RBPJ: variants seen among roughly 807,000 people sequenced by gnomAD.
The protein encoded by RBPJ is recombination signal binding protein for immunoglobulin kappa J region, also known as recombining binding protein suppressor of hairless.
A neutral mutation model predicts 67.8 loss-of-function variants in RBPJ; 9 were observed. The ratio of observed to expected loss-of-function variants is 0.13; its 90% CI spans 0.08 to 0.23. The LOEUF (loss-of-function observed/expected upper bound fraction) is 0.23, where lower values mean the gene tolerates loss of function less well. Among genes scored for constraint, RBPJ ranks in the 10% least tolerant of loss-of-function variants. RBPJ has a pLI of 1.00. For missense variants in RBPJ, 305 were observed against 595.6 expected, an observed-to-expected ratio of 0.51 and a Z score of 5.08; for synonymous variants, 198 against 203.3, an observed-to-expected ratio of 0.97 and a Z score of 0.22.
At chr4:26,234,105 A>G (rs1719376794) in intron 1 of RBPJ, among the ~76,000 whole-genome samples, 1 of 152,200 alleles carries the variant, frequency 6.6e-6, no homozygotes, top group Non-Finnish European at 1.5e-5. Context: ...ATATTTTTAG[A>G]TGTAATGTTT....
At chr4:26,317,722 C>T (rs1049831155), upstream of RBPJ, among the ~76,000 whole-genome samples, 10 of 152,132 alleles carry the variant, frequency 6.6e-5, no homozygotes, top group Admixed American at 5.2e-4. Flanking sequence ...TAGGATTTTC[C>T]GTCCAATTGT....
chr4:26,139,141 G>A, the RBPJ span, among the ~76,000 whole-genome samples: 2 of 110,214 alleles, frequency 1.8e-5, no homozygotes, highest in Non-Finnish European at 3.9e-5. Flanking sequence ...ACAGGCACAC[G>A]GCCACAGACC....
the RBPJ span, among the ~76,000 whole-genome samples, chr4:26,125,798 C>CAA: frequency 5.0e-5 from 7 of 138,664 alleles, no homozygotes; most frequent in South Asian, 4.8e-4. Flanking sequence ...GACTCCATTT[C>CAA]AAAAAAAAAA....
chr4:26,150,101 A>G, the RBPJ span, among the ~76,000 whole-genome samples: 1 of 152,320 alleles, frequency 6.6e-6, no homozygotes, highest in East Asian at 1.9e-4. Flanking sequence ...TATCAGATAA[A>G]TTTCTGAATT....
chr4:26,376,506 A>AT (rs1370161961), intron 1 of RBPJ, among the ~76,000 whole-genome samples: 1 of 152,178 alleles, frequency 6.6e-6, no homozygotes, highest in Non-Finnish European at 1.5e-5. Flanking sequence ...TATGTACCAC[A>AT]TTTTTGTTAT....
At chr4:26,168,641 TCTC>T (rs1262073944) in intron 1 of RBPJ, among the ~76,000 whole-genome samples, 4 of 152,242 alleles carry the variant, frequency 2.6e-5, no homozygotes, top group Non-Finnish European at 5.9e-5. Context: ...TTGGGGAAGT[TCTC>T]CTGGATAATA....
chr4:26,296,426 C>T (rs1353613620), intron 1 of RBPJ, among the ~76,000 whole-genome samples: 1 of 152,038 alleles, frequency 6.6e-6, no homozygotes, highest in Non-Finnish European at 1.5e-5. Context: ...GGATGGTGTC[C>T]TTAAGTTAGG....
At chr4:26,278,206 G>A (rs1425835553) in intron 1 of RBPJ, among the ~76,000 whole-genome samples, 1 of 152,106 alleles carries the variant, frequency 6.6e-6, no homozygotes, top group African/African-American at 2.4e-5. Context: ...TTCATCTAAA[G>A]ATAGGATGCT....
intron 1 of RBPJ, among the ~76,000 whole-genome samples, chr4:26,377,192 A>G (rs370205338): frequency 3.9e-5 from 6 of 152,348 alleles, no homozygotes; most frequent in African/African-American, 9.6e-5. Context: ...CTTTACATAT[A>G]TGAACCTTTT....
chr4:26,354,451 G>GTTTTT (rs35328021), intron 1 of RBPJ, among the ~76,000 whole-genome samples: 4 of 117,498 alleles, frequency 3.4e-5, no homozygotes, highest in Non-Finnish European at 5.3e-5. Context: ...AAAGATTTCT[G>GTTTTT]TTTTTTTTTT....
chr4:26,191,821 T>C (rs1384671045), intron 1 of RBPJ, among the ~76,000 whole-genome samples: 1 of 152,144 alleles, frequency 6.6e-6, no homozygotes, highest in Non-Finnish European at 1.5e-5. Context: ...CCATACTGCC[T>C]AGGCACAGTG....
At chr4:26,142,251 G>A in the RBPJ span, among the ~76,000 whole-genome samples, 1 of 152,166 alleles carries the variant, frequency 6.6e-6, no homozygotes, top group South Asian at 2.1e-4. Flanking sequence ...AACAGCTGCA[G>A]AACACGGAGT....
chr4:26,371,624 T>G (rs79900144), intron 1 of RBPJ, among the ~76,000 whole-genome samples: 3,718 of 152,316 alleles, frequency 0.024, 133 homozygotes, highest in African/African-American at 0.074. Flanking sequence ...ATTTGAGTGA[T>G]CTCTACAGCT....
At chr4:26,187,823 A>G (rs1717328182) in intron 1 of RBPJ, among the ~76,000 whole-genome samples, 3 of 152,070 alleles carry the variant, frequency 2.0e-5, no homozygotes, top group South Asian at 2.1e-4. Flanking sequence ...GGAGTTCAAG[A>G]CCAGCCTGGC....
At chr4:26,136,744 C>G in the RBPJ span, among the ~76,000 whole-genome samples, 1 of 152,182 alleles carries the variant, frequency 6.6e-6, no homozygotes, top group Non-Finnish European at 1.5e-5. Context: ...CCAGGCACTA[C>G]TGTAAACACT....
At chr4:26,250,740 A>G (rs773455299) in intron 1 of RBPJ, among the ~76,000 whole-genome samples, 3 of 152,198 alleles carry the variant, frequency 2.0e-5, no homozygotes, top group Non-Finnish European at 4.4e-5. Context: ...GTTATTGTAA[A>G]TAATAACTAT....
intron 1 of RBPJ, among the ~76,000 whole-genome samples, chr4:26,331,864 G>A (rs533993067): frequency 1.3e-5 from 2 of 152,324 alleles, no homozygotes; most frequent in African/African-American, 4.8e-5. Context: ...AGGGAAGATG[G>A]AAGGACAGAG....
chr4:26,255,801 CA>C (rs34958199), intron 1 of RBPJ, among the ~76,000 whole-genome samples: 8,997 of 75,200 alleles, frequency 0.12, 410 homozygotes, highest in Middle Eastern at 0.25. Context: ...GACTCCGTCT[CA>C]AAAAAAAAAA....
At chr4:26,174,242 C>T (rs1020229297) in intron 1 of RBPJ, among the ~76,000 whole-genome samples, 2 of 152,142 alleles carry the variant, frequency 1.3e-5, no homozygotes, top group African/African-American at 2.4e-5. Flanking sequence ...TGACCTTTAC[C>T]TAAGTCTGCT....
Sources: gnomAD v4.1 joint callset for allele counts (sites outside exome capture counted in the v4.1 genomes callset) on GRCh38, gnomAD v4.1.1 for gene constraint, MANE v1.5 for transcripts, NCBI Gene and HGNC (gene_info 2026-07-23, HGNC 2026-07-21) for gene names.